SDCCAG8: variants seen among roughly 807,000 people sequenced by gnomAD.
The protein encoded by SDCCAG8 is SHH signaling and ciliogenesis regulator SDCCAG8.
SDCCAG8 carries 74 observed loss-of-function variants against 101.8 expected under a neutral mutation model. That is an observed-to-expected ratio of 0.73 (90% CI 0.60 to 0.88). The LOEUF (loss-of-function observed/expected upper bound fraction) is 0.88. Ranked by LOEUF, SDCCAG8 falls within the 40% of genes least tolerant of loss-of-function variation. The pLI, the probability that SDCCAG8 is intolerant of heterozygous loss-of-function variation, is 0.00. For synonymous variants in SDCCAG8, 281 were observed against 292.9 expected (o/e 0.96, Z 0.41); for missense variants, 787 against 822.6 (o/e 0.96, Z 0.53).
At chr1:243,481,089 G>A (rs1369570061) in intron 16 of SDCCAG8, among the ~76,000 whole-genome samples, 1 of 152,010 alleles carries the variant, frequency 6.6e-6, no homozygotes, top group Admixed American at 6.5e-5. Context: ...GCAAGAGAGA[G>A]GCCCGAGGCT....
chr1:243,340,631 C>T (rs946839091), intron 10 of SDCCAG8, among the ~76,000 whole-genome samples: 5 of 152,190 alleles, frequency 3.3e-5, no homozygotes, highest in Admixed American at 3.3e-4. Flanking sequence ...GAACTTCCTC[C>T]TTAACTCTCC....
chr1:243,404,551 G>A (rs2147982650), intron 13 of SDCCAG8, among the ~76,000 whole-genome samples: 1 of 152,300 alleles, frequency 6.6e-6, no homozygotes, highest in South Asian at 2.1e-4. Context: ...CTTATTTAGA[G>A]GAATGAGAAT....
intron 12 of SDCCAG8, among the ~76,000 whole-genome samples, chr1:243,348,007 C>T (rs1165886455): frequency 6.6e-6 from 1 of 150,958 alleles, no homozygotes; most frequent in Non-Finnish European, 1.5e-5. Context: ...CCTCACCAAC[C>T]CAGGCTGGAC....
At chr1:243,472,359 T>G (rs1661426524) in intron 16 of SDCCAG8, among the ~76,000 whole-genome samples, 1 of 152,184 alleles carries the variant, frequency 6.6e-6, no homozygotes, top group African/African-American at 2.4e-5. Flanking sequence ...GAGTAGCTGG[T>G]CAGTACCTGG....
intron 1 of SDCCAG8, among the ~76,000 whole-genome samples, 176 bp from the exon 2 acceptor site, chr1:243,269,929 A>G (rs1037871054): frequency 1.3e-4 from 20 of 152,204 alleles, no homozygotes; most frequent in Non-Finnish European, 4.4e-5. Flanking sequence ...CCATGAAGTT[A>G]ATCTTCTCTC....
At chr1:243,350,754 C>G (rs2076039536) in intron 12 of SDCCAG8, among the ~76,000 whole-genome samples, 1 of 152,152 alleles carries the variant, frequency 6.6e-6, no homozygotes, top group African/African-American at 2.4e-5. Context: ...AATTTTCTGA[C>G]AGTAAGGAGA....
At chr1:243,383,207 T>G (rs2078066588) in intron 13 of SDCCAG8, among the ~76,000 whole-genome samples, 1 of 152,072 alleles carries the variant, frequency 6.6e-6, no homozygotes, top group Non-Finnish European at 1.5e-5. Flanking sequence ...ATTCGAAGAG[T>G]ATTTTCAGGG....
Position 243,414,334 on chromosome 1 carries a change from A to G in SDCCAG8, c.1617-1368A>G, listed in dbSNP as rs117296949. 2.0e-5 allele frequency among the ~76,000 whole-genome samples: 3 copies of G among 152,190 alleles called. No individual in the cohort carries two copies. The East Asian group carries it at 5.8e-4, about 29-fold the overall frequency. On this transcript the variant is annotated intron_variant, in intron 13 of 17. Transcript: ENST00000366541. ...CCATGGCCAGAAAATACATGGTGTG[A>G]CTGGGGAGGCAAAAAGTAGCCTAGT...
chr1:243,337,692 C>T (rs10926994), intron 10 of SDCCAG8, among the ~76,000 whole-genome samples: 39,244 of 151,958 alleles, frequency 0.26, 5,262 homozygotes, highest in South Asian at 0.45. Flanking sequence ...TCTGACTTAC[C>T]GTGGGCATTT....
intron 3 of SDCCAG8, 69 bp downstream of exon 3, chr1:243,271,132 C>A: frequency 8.9e-7 from 1 of 1,121,472 alleles, no homozygotes; most frequent in Non-Finnish European, 1.4e-6. Context: ...TTTTGTAGTA[C>A]ATGTTGCAGA....
chr1:243,415,133 C>T (rs2080479344), intron 13 of SDCCAG8, among the ~76,000 whole-genome samples: 1 of 152,040 alleles, frequency 6.6e-6, no homozygotes, highest in African/African-American at 2.4e-5. Context: ...GGAAGTTATT[C>T]GTATTCATAT....
intron 12 of SDCCAG8, among the ~76,000 whole-genome samples, chr1:243,348,037 C>CTTTTTTT (rs1181379015): frequency 9.7e-6 from 1 of 103,382 alleles, no homozygotes; most frequent in Non-Finnish European, 1.9e-5. Context: ...TTTTTTTTTT[C>CTTTTTTT]TTTTTTTTTT....
chr1:243,489,187 T>C (rs780423963), intron 17 of SDCCAG8, 47 bp downstream of exon 17: 2 of 1,602,056 alleles, frequency 1.2e-6, no homozygotes, highest in South Asian at 2.2e-5. Context: ...GGCGGGCGTC[T>C]ACAGGTGGAT....
At chr1:243,406,586 C>T (rs1318733803) in intron 13 of SDCCAG8, among the ~76,000 whole-genome samples, 3 of 152,186 alleles carry the variant, frequency 2.0e-5, no homozygotes, top group Non-Finnish European at 2.9e-5. Context: ...TTCTAAAGCA[C>T]GAGTGTGATC....
At chr1:243,258,777 T>G (rs1157972251) in intron 1 of SDCCAG8, among the ~76,000 whole-genome samples, 2 of 152,220 alleles carry the variant, frequency 1.3e-5, no homozygotes, top group African/African-American at 4.8e-5. Flanking sequence ...TTCCTTATTT[T>G]GAGTGTGCCT....
chr1:243,300,418 T>C (rs2149308324), intron 6 of SDCCAG8, among the ~76,000 whole-genome samples: 1 of 152,346 alleles, frequency 6.6e-6, no homozygotes, highest in South Asian at 2.1e-4. Flanking sequence ...GTATTTGTAA[T>C]TACTGGTTTC....
intron 12 of SDCCAG8, 39 bp downstream of exon 12, chr1:243,344,370 A>G: frequency 7.9e-7 from 1 of 1,266,490 alleles, no homozygotes; most frequent in Non-Finnish European, 1.2e-6. Flanking sequence ...AATTATAGAT[A>G]TGAGTAACAT....
chr1:243,288,539 T>C (rs766198034), intron 5 of SDCCAG8, among the ~76,000 whole-genome samples: 4 of 152,052 alleles, frequency 2.6e-5, no homozygotes, highest in Non-Finnish European at 5.9e-5. Context: ...AGTTGTAACA[T>C]GAATAAAAAT....
At chr1:243,326,745 C>T (rs2074177250) in intron 9 of SDCCAG8, among the ~76,000 whole-genome samples, 1 of 152,020 alleles carries the variant, frequency 6.6e-6, no homozygotes, top group Admixed American at 6.5e-5. Flanking sequence ...GATCTTAATT[C>T]CTTAGTTATG....
Sources: gnomAD v4.1 joint callset for allele counts (sites outside exome capture counted in the v4.1 genomes callset) on GRCh38, gnomAD v4.1.1 for gene constraint, MANE v1.5 for transcripts, NCBI Gene and HGNC (gene_info 2026-07-23, HGNC 2026-07-21) for gene names.